Variants in CEP128 observed in about 807,000 individuals in gnomAD.
CEP128 encodes the protein centrosomal protein 128kDa.
CEP128 carries 132 observed loss-of-function variants against 156.7 expected under a neutral mutation model. That is an observed-to-expected ratio of 0.84 (90% CI 0.73 to 0.97). The LOEUF is 0.97. Ranked by LOEUF, CEP128 falls within the 50% of genes least tolerant of loss-of-function variation. The pLI, the probability that CEP128 is intolerant of heterozygous loss-of-function variation, is 0.00. For missense variants in CEP128, 1,252 were observed against 1,281.9 expected, an observed-to-expected ratio of 0.98 and a Z score of 0.36; for synonymous variants, 469 against 448.9, an observed-to-expected ratio of 1.04 and a Z score of -0.57.
At chr14:80,566,534 C>T (rs1345441287) in intron 20 of CEP128, among the ~76,000 whole-genome samples, 1 of 152,156 alleles carries the variant, frequency 6.6e-6, no homozygotes, top group Non-Finnish European at 1.5e-5. Flanking sequence ...ACAAAAATCA[C>T]TATCTCAGTG....
intron 19 of CEP128, among the ~76,000 whole-genome samples, chr14:80,697,138 T>C (rs778430727): frequency 9.2e-5 from 14 of 152,092 alleles, no homozygotes; most frequent in Non-Finnish European, 1.0e-4. Context: ...AACTATTAAA[T>C]GTTAGCAACT....
chr14:80,711,912 A>G (rs546791250), intron 19 of CEP128, among the ~76,000 whole-genome samples: 31 of 152,266 alleles, frequency 2.0e-4, no homozygotes, highest in African/African-American at 6.0e-4. Context: ...AATAATTTCA[A>G]TGGTGTTTAT....
At chr14:80,550,935 T>G (rs964737716) in intron 21 of CEP128, among the ~76,000 whole-genome samples, 20 of 152,122 alleles carry the variant, frequency 1.3e-4, no homozygotes, top group African/African-American at 4.8e-4. Flanking sequence ...AATTTTTGTT[T>G]GAATAAGACA....
intron 19 of CEP128, among the ~76,000 whole-genome samples, chr14:80,584,397 C>A (rs550139961): frequency 6.6e-6 from 1 of 152,032 alleles, no homozygotes; most frequent in South Asian, 2.1e-4. Flanking sequence ...CCGCCCGCCT[C>A]GGCCTCCCAA....
chr14:80,959,268 T>C (rs1886888293), intron 1 of CEP128, among the ~76,000 whole-genome samples: 1 of 152,114 alleles, frequency 6.6e-6, no homozygotes, highest in South Asian at 2.1e-4. Context: ...CTTTGATGTG[T>C]AGGTAGTTTG....
intron 9 of CEP128, among the ~76,000 whole-genome samples, chr14:80,860,106 T>A (rs758366762): frequency 2.0e-5 from 3 of 152,154 alleles, no homozygotes; most frequent in Non-Finnish European, 4.4e-5. Flanking sequence ...GGAATTTCCA[T>A]AAGTATTTTT....
intron 19 of CEP128, among the ~76,000 whole-genome samples, chr14:80,630,319 A>G (rs1893908661): frequency 1.3e-5 from 2 of 152,022 alleles, no homozygotes; most frequent in Non-Finnish European, 2.9e-5. Flanking sequence ...AAGAAATCAT[A>G]AAATTCTGTA....
intron 19 of CEP128, among the ~76,000 whole-genome samples, chr14:80,629,518 T>A (rs1485604371): frequency 6.8e-6 from 1 of 147,528 alleles, no homozygotes; most frequent in African/African-American, 2.5e-5. Flanking sequence ...GTAATATATT[T>A]TTTTTTTCTT....
intron 10 of CEP128, among the ~76,000 whole-genome samples, chr14:80,839,355 T>C (rs1886241299): frequency 6.6e-6 from 1 of 152,224 alleles, no homozygotes; most frequent in African/African-American, 2.4e-5. Context: ...CTGCTATCTG[T>C]ATATTAATCA....
At chr14:80,673,934 G>A (rs2140940024) in intron 19 of CEP128, among the ~76,000 whole-genome samples, 1 of 152,054 alleles carries the variant, frequency 6.6e-6, no homozygotes, top group African/African-American at 2.4e-5. Flanking sequence ...ATAGGAAATT[G>A]TACCTCTGAT....
intron 19 of CEP128, among the ~76,000 whole-genome samples, chr14:80,708,914 T>C (rs1897309976): frequency 6.6e-6 from 1 of 152,046 alleles, no homozygotes; most frequent in Non-Finnish European, 1.5e-5. Flanking sequence ...CCATCTCCAC[T>C]GATTTCAAAT....
intron 13 of CEP128, among the ~76,000 whole-genome samples, chr14:80,821,142 T>C (rs1885144886): frequency 1.3e-5 from 2 of 152,366 alleles, no homozygotes; most frequent in African/African-American, 4.8e-5. Flanking sequence ...AATAGACCTG[T>C]TGAATTTTGT....
chr14:80,916,226 G>A (rs921669536), intron 3 of CEP128, among the ~76,000 whole-genome samples, 175 bp downstream of exon 3: 2 of 152,194 alleles, frequency 1.3e-5, no homozygotes, highest in Admixed American at 1.3e-4. Flanking sequence ...GAGACCCAGT[G>A]AGACCAGTGT....
intron 13 of CEP128, among the ~76,000 whole-genome samples, chr14:80,806,393 AC>A (rs1884176257): frequency 6.6e-6 from 1 of 152,196 alleles, no homozygotes; most frequent in Non-Finnish European, 1.5e-5. Context: ...GATTTTAAAT[AC>A]ACATTTCTTC....
At chr14:80,490,811 T>C (rs916763527) in intron 6 of CEP128, 6 of 152,192 alleles carry the variant, frequency 3.9e-5, no homozygotes, top group African/African-American at 1.2e-4. Context: ...ATTTTTGTTT[T>C]GGGATAGGCA....
At chr14:80,545,804 C>T (rs371285336) in intron 21 of CEP128, among the ~76,000 whole-genome samples, 1 of 152,124 alleles carries the variant, frequency 6.6e-6, no homozygotes, top group African/African-American at 2.4e-5. Flanking sequence ...TTAGGGGACA[C>T]ACTAAAGGCA....
intron 19 of CEP128, among the ~76,000 whole-genome samples, chr14:80,739,520 T>A (rs1440902448): frequency 6.6e-6 from 1 of 152,170 alleles, no homozygotes; most frequent in Non-Finnish European, 1.5e-5. Context: ...CTACTCAACA[T>A]ACATAATCAG....
chr14:80,703,041 T>C (rs1357534689), intron 19 of CEP128, among the ~76,000 whole-genome samples: 2 of 151,994 alleles, frequency 1.3e-5, no homozygotes, highest in Non-Finnish European at 2.9e-5. Flanking sequence ...ATGGAACTAA[T>C]GAAAAATAAC....
chr14:80,905,110 G>A (rs551091211), intron 5 of CEP128, among the ~76,000 whole-genome samples, 179 bp from the exon 6 acceptor site: 1 of 152,042 alleles, frequency 6.6e-6, no homozygotes, highest in South Asian at 2.1e-4. Context: ...CATTAATCAT[G>A]CTCTTAAAGC....
Sources: gnomAD v4.1 joint callset for allele counts (sites outside exome capture counted in the v4.1 genomes callset) on GRCh38, gnomAD v4.1.1 for gene constraint, MANE v1.5 for transcripts, NCBI Gene and HGNC (gene_info 2026-07-23, HGNC 2026-07-21) for gene names.